BARD1: variants seen among roughly 807,000 people sequenced by gnomAD.
BARD1 encodes the protein BRCA1-associated RING domain protein 1.
In BARD1, 73 loss-of-function variants were observed where a neutral mutation model predicts 77.0. The ratio of observed to expected loss-of-function variants is 0.95; its 90% confidence interval spans 0.79 to 1.15. The LOEUF (loss-of-function observed/expected upper bound fraction) is 1.15. Ranked by LOEUF, BARD1 falls within the 50% of genes most tolerant of loss-of-function variation. The probability of loss-of-function intolerance (pLI) is 0.00; values close to 1 mark genes in which losing one functional copy is unlikely to be tolerated. For synonymous variants in BARD1, 384 were observed against 338.0 expected, an observed-to-expected ratio of 1.14 and a Z score of -1.49; for missense variants, 993 against 938.8, an observed-to-expected ratio of 1.06 and a Z score of -0.75.
chr2:214,734,758 T>C (rs989835764), intron 9 of BARD1, among the ~76,000 whole-genome samples: 13 of 152,172 alleles, frequency 8.5e-5, no homozygotes, highest in Non-Finnish European at 1.9e-4. Flanking sequence ...TTCTGTTTTC[T>C]TTTTACTTTT....
chr2:214,786,171 G>A (rs114233944), intron 3 of BARD1, among the ~76,000 whole-genome samples: 2,240 of 151,562 alleles, frequency 0.015, 15 homozygotes, highest in Middle Eastern at 0.031. Flanking sequence ...AACATCTGAT[G>A]TTACAAGGTG....
chr2:214,765,836 G>A (rs1011692649), intron 6 of BARD1, among the ~76,000 whole-genome samples: 1 of 152,138 alleles, frequency 6.6e-6, no homozygotes, highest in African/African-American at 2.4e-5. Context: ...CCTGTGATGA[G>A]AGATAAAAGA....
intron 6 of BARD1, among the ~76,000 whole-genome samples, chr2:214,755,052 G>C (rs1693629441): frequency 6.6e-6 from 1 of 152,126 alleles, no homozygotes; most frequent in Admixed American, 6.5e-5. Flanking sequence ...TATTTTAACA[G>C]ACTAACACTT....
Position 214,728,915 on chromosome 2 carries a change from C to A in BARD1, c.2095G>T (p.Gly699Trp). The stretch of plus-strand genomic sequence containing the variant: ...GGCTTTCTACTGAGGATCTGGCCCC[C>A]ACCTGCAGTGACGAGCTTAATAAGG... ...DNLIKLVTAG[G>W]GQILSRKPKP... Residue 699 changes from glycine (G) to tryptophan (W), a missense_variant, in exon 11 of 11, where the codon GGG becomes TGG. Gly to Trp is a radical substitution (Grantham distance 184). Coordinates refer to ENST00000260947, the MANE Select transcript of BARD1 (RefSeq NM_000465.4). 6.2e-7 allele frequency: 1 copy of A among 1,614,166 alleles called. No homozygotes were observed. The highest frequency in any genetic ancestry group is 8.5e-7 in the Non-Finnish European group (1 of 1,180,032).
At position 214,752,514 on chromosome 2, in the gene BARD1, T is replaced by C. The variant is rs1553616390; in HGVS notation, c.1610A>G (p.Glu537Gly). 6.2e-7 allele frequency: 1 copy of C among 1,613,828 alleles called. No individual in the cohort carries two copies. The highest frequency in any genetic ancestry group is 8.5e-7 in the Non-Finnish European group (1 of 1,179,818). The change falls in exon 7 of 11, where the codon GAA (glutamate) becomes GGA (glycine). Residue 537 changes from glutamate to glycine, a missense_variant. Coordinates refer to ENST00000260947, the MANE Select transcript of BARD1 (RefSeq NM_000465.4). ...GLRPVDYTDD[E>G]SMKSLLLLPE... ...TAGCAGCAATAGCGATTTCATACTT[T>C]CATCATCTGTATAATCGACAGGCCG...
chr2:214,753,582 T>C (rs1035235362), intron 6 of BARD1, among the ~76,000 whole-genome samples: 14 of 152,124 alleles, frequency 9.2e-5, no homozygotes, highest in Admixed American at 2.6e-4. Context: ...GAAAAAGATC[T>C]GGAAGGAAAC....
At chr2:214,776,589 C>G (rs1694747131) in intron 4 of BARD1, among the ~76,000 whole-genome samples, 1 of 152,148 alleles carries the variant, frequency 6.6e-6, no homozygotes, top group South Asian at 2.1e-4. Flanking sequence ...TGATTTCGGT[C>G]AGATTACTCT....
At chr2:214,754,330 T>C (rs1203757539) in intron 6 of BARD1, among the ~76,000 whole-genome samples, 1 of 150,982 alleles carries the variant, frequency 6.6e-6, no homozygotes, top group Non-Finnish European at 1.5e-5. Context: ...CAAGAGATAC[T>C]GTTTCAACAA....
At chr2:214,778,215 C>T (rs1694820676) in intron 4 of BARD1, among the ~76,000 whole-genome samples, 1 of 129,292 alleles carries the variant, frequency 7.7e-6, no homozygotes, top group African/African-American at 2.8e-5. Flanking sequence ...CCCCCACCCC[C>T]AAAAAAGAAA....
chr2:214,755,625 T>C lies in BARD1; in HGVS notation c.1569-3070A>G, dbSNP rs116723127. 3.4e-3 allele frequency among the ~76,000 whole-genome samples: 516 copies of C among 152,318 alleles called. 4 individuals carry two copies. Among genetic ancestry groups the C allele is most frequent in the African/African-American group, 0.012 (498 of 41,572 alleles). ...TAGAAACTGGAATATGGTGGTTAAC[T>C]GTTAAGGGGCCGTGTAGGGAATAAG... On this transcript the variant is annotated intron_variant, in intron 6 of 10. Transcript: ENST00000260947.
chr2:214,791,287 T>G (rs1695499921), intron 3 of BARD1, among the ~76,000 whole-genome samples: 1 of 152,202 alleles, frequency 6.6e-6, no homozygotes, highest in Non-Finnish European at 1.5e-5. Context: ...GACTCAAAGT[T>G]TTTGCCACAT....
chr2:214,804,893 T>G (rs572118101), intron 1 of BARD1, among the ~76,000 whole-genome samples: 2 of 152,318 alleles, frequency 1.3e-5, no homozygotes, highest in Admixed American at 1.3e-4. Context: ...CCTGGTGTGG[T>G]GGCTCACGCC....
intron 2 of BARD1, among the ~76,000 whole-genome samples, chr2:214,793,395 A>G (rs1429718564): frequency 6.6e-6 from 1 of 152,182 alleles, no homozygotes; most frequent in Admixed American, 6.5e-5. Flanking sequence ...GACTTTTGGG[A>G]CCATCTAATT....
intron 4 of BARD1, 37 bp from the exon 5 acceptor site, chr2:214,769,349 A>C: frequency 6.7e-7 from 1 of 1,484,054 alleles, no homozygotes; most frequent in Non-Finnish European, 9.4e-7. Context: ...AAAAAGCATT[A>C]AGGAAAGAAA....
intron 9 of BARD1, among the ~76,000 whole-genome samples, chr2:214,736,651 G>A (rs549533798): frequency 1.4e-4 from 22 of 152,158 alleles, no homozygotes; most frequent in African/African-American, 5.3e-4. Flanking sequence ...AAAACATGCT[G>A]GCATTAGTCA....
chr2:214,747,481 A>G (rs1693180994), intron 7 of BARD1, among the ~76,000 whole-genome samples: 1 of 151,212 alleles, frequency 6.6e-6, no homozygotes, highest in Admixed American at 6.6e-5. Flanking sequence ...GATAGACTGG[A>G]TTAAGAAAAT....
At chr2:214,735,030 T>C (rs1372753159) in intron 9 of BARD1, among the ~76,000 whole-genome samples, 1 of 152,210 alleles carries the variant, frequency 6.6e-6, no homozygotes, top group Non-Finnish European at 1.5e-5. Flanking sequence ...CATCAACTGA[T>C]CAATACTTAA....
intron 4 of BARD1, among the ~76,000 whole-genome samples, chr2:214,776,401 T>A (rs1281274189): frequency 6.6e-6 from 1 of 152,212 alleles, no homozygotes; most frequent in African/African-American, 2.4e-5. Flanking sequence ...GTATCTTAGT[T>A]TCTACTTACG....
At chr2:214,780,503 G>A in intron 4 of BARD1, 57 bp downstream of exon 4, 5 of 1,485,760 alleles carry the variant, frequency 3.4e-6, no homozygotes, top group Non-Finnish European at 4.7e-6. Flanking sequence ...AAACTGCAAA[G>A]AAATTGCTTT....
Sources: gnomAD v4.1 joint callset for allele counts (sites outside exome capture counted in the v4.1 genomes callset) on GRCh38, gnomAD v4.1.1 for gene constraint, MANE v1.5 for transcripts, NCBI Gene and HGNC (gene_info 2026-07-23, HGNC 2026-07-21) for gene names.